Variants in ATG10 observed in about 807,000 individuals in gnomAD.
ATG10 encodes the protein autophagy related 10, also known as ubiquitin-like-conjugating enzyme ATG10.
A neutral mutation model predicts 32.1 loss-of-function variants in ATG10; 30 were observed. That is an observed-to-expected ratio of 0.94 (90% CI 0.70 to 1.27). The LOEUF (loss-of-function observed/expected upper bound fraction) is 1.27. Among genes scored for constraint, ATG10 ranks in the 50% most tolerant of loss-of-function variants. The pLI is 0.00. For missense variants in ATG10, 233 were observed against 262.3 expected, an observed-to-expected ratio of 0.89 and a Z score of 0.77; for synonymous variants, 87 against 91.5, an observed-to-expected ratio of 0.95 and a Z score of 0.28.
chr5:81,983,385 G>A (rs1179999756), intron 1 of ATG10, among the ~76,000 whole-genome samples: 14 of 130,482 alleles, frequency 1.1e-4, no homozygotes, highest in African/African-American at 2.6e-4. Flanking sequence ...CTCACCTCCC[G>A]GACGGGGTGG....
intron 3 of ATG10, among the ~76,000 whole-genome samples, chr5:82,139,831 G>C (rs1766991589): frequency 1.4e-5 from 2 of 141,800 alleles, no homozygotes; most frequent in Non-Finnish European, 3.1e-5. Flanking sequence ...CCCCATCCGG[G>C]AGGGAGATGG....
intron 5 of ATG10, among the ~76,000 whole-genome samples, chr5:82,219,372 G>A (rs1462195394): frequency 2.0e-5 from 3 of 152,092 alleles, no homozygotes; most frequent in African/African-American, 4.8e-5. Context: ...CTAGGATGGC[G>A]GTTCCACTGA....
rs1247997205 is a variant in ATG10, at chr5:82,255,399, T to A, written c.*1336T>A. ...GATAAACCTAACCTGGAACAATTTTTTTTTTGGTTGCTTGTTTTGTTTTTT... is the reference window on the plus strand; with the variant it reads ...GATAAACCTAACCTGGAACAATTTTATTTTTGGTTGCTTGTTTTGTTTTTT... On this transcript the variant is annotated 3_prime_UTR_variant, in exon 8 of 8. Transcript: ENST00000282185. 1 of 152,178 alleles carries A rather than the reference T, an allele frequency of 6.6e-6. No individual in the cohort carries two copies. Among genetic ancestry groups the A allele is most frequent in the Non-Finnish European group, 1.5e-5 (1 of 68,040 alleles). The allele number at this position is 152,178 out of a possible 1,614,324, so 9.4% of individuals were successfully genotyped here.
intron 1 of ATG10, among the ~76,000 whole-genome samples, chr5:81,981,953 A>G (rs1761060193): frequency 6.6e-6 from 1 of 152,248 alleles, no homozygotes; most frequent in African/African-American, 2.4e-5. Context: ...CAGCAGCAGA[A>G]TAAGCTTCTT....
chr5:82,173,407 A>G (rs1028059033), intron 4 of ATG10, among the ~76,000 whole-genome samples: 1 of 152,206 alleles, frequency 6.6e-6, no homozygotes, highest in Non-Finnish European at 1.5e-5. Flanking sequence ...GGCAGTTGCT[A>G]AAGATTGTAC....
chr5:82,154,981 A>G (rs1317366061), intron 3 of ATG10, among the ~76,000 whole-genome samples: 1 of 152,216 alleles, frequency 6.6e-6, no homozygotes, highest in Non-Finnish European at 1.5e-5. Flanking sequence ...TTTAGGATTC[A>G]CAGTCCTCTA....
chr5:82,136,828 C>G (rs1016775559), intron 3 of ATG10, among the ~76,000 whole-genome samples: 3 of 152,158 alleles, frequency 2.0e-5, no homozygotes, highest in Non-Finnish European at 4.4e-5. Context: ...TTCCATTCTT[C>G]CCGTCAGTTT....
In ATG10 at chr5:82,063,388, A is replaced by G. The variant is rs562449761; in HGVS notation, c.216+4786A>G. Among the ~76,000 whole-genome samples the G allele has an allele frequency of 1.2e-3, 176 of 152,334 alleles. 2 individuals carry two copies. The highest frequency in any genetic ancestry group is 2.3e-3 in the Admixed American group (35 of 15,300). On this transcript the variant is annotated intron_variant, in intron 3 of 7. Coordinates refer to ENST00000282185, the MANE Select transcript of ATG10 (RefSeq NM_031482.5). ...TTAATGTTTTATCTTAATAGATAGT[A>G]CATTTGTGATACCAGTAGAAGATAC...
At chr5:82,021,550 A>G (rs1762434378) in intron 2 of ATG10, among the ~76,000 whole-genome samples, 3 of 152,234 alleles carry the variant, frequency 2.0e-5, no homozygotes, top group African/African-American at 7.2e-5. Flanking sequence ...TAATGACAAG[A>G]AAAAAAGTCT....
At chr5:82,120,170 GAA>G (rs151151832) in intron 3 of ATG10, among the ~76,000 whole-genome samples, 1,797 of 152,256 alleles carry the variant, frequency 0.012, 24 homozygotes, top group African/African-American at 0.042. Context: ...AATTTGGGTT[GAA>G]AGATTGTTAT....
At chr5:82,141,227 AT>A (rs1363223365) in intron 3 of ATG10, among the ~76,000 whole-genome samples, 5 of 150,540 alleles carry the variant, frequency 3.3e-5, no homozygotes, top group African/African-American at 1.0e-4. Context: ...CAATAAAAAA[AT>A]AAATTAAAAA....
intron 3 of ATG10, among the ~76,000 whole-genome samples, chr5:82,067,619 T>C (rs1467302615): frequency 1.3e-5 from 2 of 152,148 alleles, no homozygotes; most frequent in African/African-American, 4.8e-5. Context: ...TGTGTTAGGT[T>C]CAGTAAGAGT....
intron 5 of ATG10, among the ~76,000 whole-genome samples, chr5:82,202,066 A>G (rs1351651190): frequency 6.6e-6 from 1 of 152,180 alleles, no homozygotes; most frequent in Non-Finnish European, 1.5e-5. Flanking sequence ...TGACAATTGA[A>G]GACAGTTTTG....
chr5:82,189,381 T>C (rs917797628), intron 5 of ATG10, among the ~76,000 whole-genome samples: 1 of 152,190 alleles, frequency 6.6e-6, no homozygotes, highest in African/African-American at 2.4e-5. Context: ...CTTTTTCTTG[T>C]ATTAAATTCT....
chr5:82,225,461 A>G (rs1218999298), intron 5 of ATG10, among the ~76,000 whole-genome samples: 1 of 152,226 alleles, frequency 6.6e-6, no homozygotes, highest in Non-Finnish European at 1.5e-5. Context: ...GCAGGTCAAG[A>G]GGAAAGGAGA....
chr5:82,059,044 T>G (rs1389232000), intron 3 of ATG10, among the ~76,000 whole-genome samples: 1 of 152,180 alleles, frequency 6.6e-6, no homozygotes, highest in African/African-American at 2.4e-5. Flanking sequence ...AATACTTGAT[T>G]GGAGACCTCT....
chr5:81,981,779 A>G (rs1021776882), intron 1 of ATG10, among the ~76,000 whole-genome samples: 1 of 152,226 alleles, frequency 6.6e-6, no homozygotes, highest in Non-Finnish European at 1.5e-5. Flanking sequence ...AACTAAAACA[A>G]TAACAAAGAA....
At chr5:82,180,566 C>T (rs1744191755) in intron 5 of ATG10, among the ~76,000 whole-genome samples, 1 of 152,100 alleles carries the variant, frequency 6.6e-6, no homozygotes, top group Non-Finnish European at 1.5e-5. Context: ...AGAGTTCCAG[C>T]TTCTAGTGTC....
chr5:82,098,206 T>G (rs1237108271), intron 3 of ATG10, among the ~76,000 whole-genome samples: 1 of 152,198 alleles, frequency 6.6e-6, no homozygotes, highest in Non-Finnish European at 1.5e-5. Context: ...TTCCTTAAGT[T>G]TATTATTTTA....
Sources: gnomAD v4.1 joint callset for allele counts (sites outside exome capture counted in the v4.1 genomes callset) on GRCh38, gnomAD v4.1.1 for gene constraint, MANE v1.5 for transcripts, NCBI Gene and HGNC (gene_info 2026-07-23, HGNC 2026-07-21) for gene names.